Variants in EOGT observed in about 807,000 individuals in gnomAD.
The protein encoded by EOGT is EGF domain-specific O-linked N-acetylglucosamine transferase.
In EOGT, 55 loss-of-function variants were observed where a neutral mutation model predicts 70.5. The observed-to-expected ratio is 0.78, with a 90% CI of 0.63 to 0.98. The LOEUF (loss-of-function observed/expected upper bound fraction) is 0.98, where lower values mean the gene tolerates loss of function less well. Ranked by LOEUF, EOGT falls within the 50% of genes least tolerant of loss-of-function variation. The pLI is 0.00. For synonymous variants in EOGT, 246 were observed against 217.1 expected, an observed-to-expected ratio of 1.13 and a Z score of -1.17; for missense variants, 703 against 641.9, an observed-to-expected ratio of 1.10 and a Z score of -1.03.
At position 68,989,451 on chromosome 3, in the gene EOGT, C is replaced by T. The variant is rs535081193; in HGVS notation, c.832-434G>A. ...AAATTTCAGAGCAAGAAAATGGGTT[C>T]AAAGTTTTAACACTGGCTGGGTGCG... On this transcript the variant is annotated intron_variant, in intron 10 of 17. Transcript: ENST00000383701. Among the ~76,000 whole-genome samples the T allele has an allele frequency of 5.3e-5, 8 of 152,018 alleles. No individual in the cohort carries two copies. The South Asian group carries it at 1.5e-3, about 28-fold the overall frequency.
At chr3:68,989,504 T>C (rs1250670099) in intron 10 of EOGT, among the ~76,000 whole-genome samples, 1 of 152,038 alleles carries the variant, frequency 6.6e-6, no homozygotes, top group African/African-American at 2.4e-5. Flanking sequence ...TCCCAGCACT[T>C]TGGGAGGCCG....
intron 15 of EOGT, among the ~76,000 whole-genome samples, chr3:68,981,793 C>A (rs1419775265): frequency 6.6e-6 from 1 of 151,940 alleles, no homozygotes; most frequent in African/African-American, 2.4e-5. Flanking sequence ...TGGCAGGAGG[C>A]AGGGCAAATT....
Position 68,978,331 on chromosome 3 carries a change from A to T in EOGT, c.1437+2T>A. 6.2e-7 allele frequency: 1 copy of T among 1,608,350 alleles called. No homozygotes were observed. Among genetic ancestry groups the T allele is most frequent in the Non-Finnish European group, 8.5e-7 (1 of 1,176,680 alleles). The stretch of plus-strand genomic sequence containing the variant: ...AAGGTAAGTTTTGTGATTGAACTTT[A>T]CCTTATCCTGAGGAAAGACTTTGTT... On this transcript the variant is annotated splice_donor_variant, in intron 17 of 17. Transcript: ENST00000383701. LOFTEE classifies it high-confidence loss of function.
At chr3:69,002,402 A>G (rs1483154873) in intron 8 of EOGT, among the ~76,000 whole-genome samples, 5 of 152,250 alleles carry the variant, frequency 3.3e-5, no homozygotes, top group African/African-American at 7.2e-5. Flanking sequence ...CCTGTCACAC[A>G]GCAATAAGCA....
intron 10 of EOGT, among the ~76,000 whole-genome samples, chr3:68,991,964 A>G (rs998991244): frequency 1.3e-5 from 2 of 152,208 alleles, no homozygotes; most frequent in African/African-American, 4.8e-5. Context: ...CTTATTCACT[A>G]TCACGAGAAT....
Position 69,010,989 on chromosome 3 carries a change from C to T in EOGT, c.-15+947G>A, listed in dbSNP as rs546006450. On this transcript the variant is annotated intron_variant, in intron 3 of 17. Coordinates refer to ENST00000383701, the MANE Select transcript of EOGT (RefSeq NM_001278689.2). ...CTATAATAGCTAAGACTTAGAAACT[C>T]CAGGACACTAAGCAGTCTGCCTCAA... Among the ~76,000 whole-genome samples, 4 of 152,230 alleles carry T rather than the reference C, an allele frequency of 2.6e-5. No homozygotes were observed. The East Asian group carries it at 7.7e-4, about 29-fold the overall frequency.
At chr3:69,009,175 GCTC>G (rs1456047335) in intron 4 of EOGT, among the ~76,000 whole-genome samples, 1 of 152,198 alleles carries the variant, frequency 6.6e-6, no homozygotes, top group Non-Finnish European at 1.5e-5. Flanking sequence ...GTCTTAATGG[GCTC>G]CTATTTGAGG....
At position 68,978,684 on chromosome 3, in the gene EOGT, CTGCCT is replaced by C. The variant is rs202221009; in HGVS notation, c.1335-254_1335-250del. Reference sequence around the variant, plus strand: ...AATTGACCTTATTCAATAGGGCCTGCTGCCTATGGACTTGGCATGACCTTATAATA... The same window carrying C: ...AATTGACCTTATTCAATAGGGCCTGCATGGACTTGGCATGACCTTATAATA... On this transcript the variant is annotated intron_variant, in intron 16 of 17. Coordinates refer to ENST00000383701, the MANE Select transcript of EOGT (RefSeq NM_001278689.2). Among the ~76,000 whole-genome samples, 21,626 of 152,060 alleles carry C rather than the reference CTGCCT, an allele frequency of 0.14. 1,750 individuals carry two copies. The highest frequency in any genetic ancestry group is 0.4 in the East Asian group (2,041 of 5,140).
chr3:69,004,552 T>C (rs2091390215), intron 7 of EOGT, 70 bp from the exon 8 acceptor site: 1 of 958,934 alleles, frequency 1.0e-6, no homozygotes, highest in Non-Finnish European at 1.7e-6. Flanking sequence ...GGGTTGTAAC[T>C]AAAGTGGATT....
rs2090457865 is a variant in EOGT, at chr3:68,975,798, A to G, written c.*1820T>C. 6.6e-6 allele frequency: 1 copy of G among 151,690 alleles called. No homozygotes were observed. Among genetic ancestry groups the G allele is most frequent in the African/African-American group, 2.4e-5 (1 of 40,966 alleles). 9.4% of individuals were successfully genotyped at this position (151,690 alleles called of 1,614,324 possible). The stretch of plus-strand genomic sequence containing the variant: ...TTTAATAAATATTCCTCAATTCTAG[A>G]AGACTGTTCCAATCCTTTAAAGTGG... On this transcript the variant is annotated 3_prime_UTR_variant, in exon 18 of 18. Coordinates refer to ENST00000383701, the MANE Select transcript of EOGT (RefSeq NM_001278689.2).
chr3:68,982,685 T>C (rs2090683515), intron 15 of EOGT, 126 bp downstream of exon 15: 9 of 528,332 alleles, frequency 1.7e-5, no homozygotes, highest in Non-Finnish European at 2.6e-5. Flanking sequence ...CATTCATCTG[T>C]AGTGTCTACT....
chr3:69,009,940 AAAAAAAAAAC>A, intron 3 of EOGT, 80 bp from the exon 4 acceptor site: 10 of 746,482 alleles, frequency 1.3e-5, no homozygotes, highest in South Asian at 1.8e-5. Context: ...CAACAAAAAA[AAAAAAAAAAC>A]AAAGGGTCAA....
intron 10 of EOGT, among the ~76,000 whole-genome samples, chr3:68,992,594 T>C (rs2091025626): frequency 6.6e-6 from 1 of 152,182 alleles, no homozygotes; most frequent in African/African-American, 2.4e-5. Context: ...CAGTTCAAGC[T>C]GTCAGTGGAT....
intron 9 of EOGT, among the ~76,000 whole-genome samples, chr3:69,001,180 G>C (rs2091285245): frequency 6.6e-6 from 1 of 151,930 alleles, no homozygotes; most frequent in Non-Finnish European, 1.5e-5. Context: ...GGATGGTCTC[G>C]ATCTCCTGAC....
rs2090512728 is a variant in EOGT at position 68,977,746 on chromosome 3, C to A, written c.1456G>T (p.Gly486Trp). ...PQDKGHHPTL[G>W]EHPKFTNYSF... ...TAGTTGGTGAACTTCGGGTGCTCCC[C>A]CAGGGTTGGATGGTGGCCCTGTGAA... The change falls in exon 18 of 18, where the codon GGG becomes TGG. Residue 486 changes from glycine to tryptophan, a missense_variant. By Grantham distance (184) the Gly-to-Trp change is radical. Coordinates refer to ENST00000383701, the MANE Select transcript of EOGT (RefSeq NM_001278689.2). 2 of 1,612,796 alleles carry A rather than the reference C, an allele frequency of 1.2e-6. No homozygotes were observed. Among genetic ancestry groups the A allele is most frequent in the Non-Finnish European group, 1.7e-6 (2 of 1,179,570 alleles).
chr3:69,004,579 A>C (rs1559612173), intron 7 of EOGT, 97 bp from the exon 8 acceptor site: 5 of 751,090 alleles, frequency 6.7e-6, no homozygotes, highest in Non-Finnish European at 9.0e-6. Context: ...TTCCAAACTG[A>C]ATTTTTTAAA....
chr3:69,008,339 C>T, intron 5 of EOGT, 89 bp downstream of exon 5: 9 of 927,904 alleles, frequency 9.7e-6, no homozygotes, highest in Non-Finnish European at 1.5e-5. Flanking sequence ...CTATCTAAAA[C>T]CAAAAGAATC....
rs941614481 is a variant in EOGT, at chr3:68,982,861, T to C, written c.1164A>G (p.Ala388=). The part of the protein sequence containing the change: ...KILNQNELVN[A]LKTVSTFEVQ... ...CTTCAAATGTAGATACTGTTTTCAG[T>C]GCATTTACAAGCTGGGAAAAAAAGA... The change falls in exon 15 of 18, where the codon GCA becomes GCG. Residue 388 remains alanine (A), a synonymous_variant. Coordinates refer to ENST00000383701, the MANE Select transcript of EOGT (RefSeq NM_001278689.2). The C allele has an allele frequency of 1.2e-6, 2 of 1,602,710 alleles. No individual in the cohort carries two copies. Among genetic ancestry groups the C allele is most frequent in the Non-Finnish European group, 1.7e-6 (2 of 1,174,694 alleles).
chr3:69,004,533 C>A, intron 7 of EOGT, 51 bp from the exon 8 acceptor site: 1 of 1,274,316 alleles, frequency 7.8e-7, no homozygotes, highest in South Asian at 1.2e-5. Context: ...CTTCATGACC[C>A]AAGCACGTGG....
Sources: allele counts gnomAD v4.1 joint callset (sites outside exome capture counted in the v4.1 genomes callset), GRCh38; gene constraint gnomAD v4.1.1; transcripts MANE v1.5; gene names NCBI Gene and HGNC (gene_info 2026-07-23, HGNC 2026-07-21).